The following EML6 variants were observed in gnomAD, a reference collection of about 807,000 sequenced individuals.
EML6 encodes echinoderm microtubule-associated protein-like 6.
In EML6, 154 loss-of-function variants were observed where a neutral mutation model predicts 240.1. The ratio of observed to expected loss-of-function variants is 0.64; its 90% CI spans 0.56 to 0.73. EML6 has a LOEUF of 0.73. Ranked by LOEUF, EML6 falls within the 30% of genes least tolerant of loss-of-function variation. The pLI, the probability that EML6 is intolerant of heterozygous loss-of-function variation, is 0.00. For missense variants in EML6, 2,964 were observed against 2,474.6 expected, an observed-to-expected ratio of 1.20 and a Z score of -4.20; for synonymous variants, 1,148 against 899.0, an observed-to-expected ratio of 1.28 and a Z score of -4.95.
chr2:54,750,290 T>G (rs1001940608), intron 2 of EML6, among the ~76,000 whole-genome samples: 1 of 152,220 alleles, frequency 6.6e-6, no homozygotes, highest in African/African-American at 2.4e-5. Context: ...AAGCTGGAAC[T>G]CTGCCATTCC....
At chr2:54,795,347 A>C (rs1018025630) in intron 2 of EML6, among the ~76,000 whole-genome samples, 6 of 152,150 alleles carry the variant, frequency 3.9e-5, no homozygotes, top group African/African-American at 1.4e-4. Flanking sequence ...GAAAACCATC[A>C]GATCTTGTGA....
chr2:54,967,207 A>T (rs1219380259), intron 39 of EML6, 104 bp downstream of exon 39: 5 of 738,148 alleles, frequency 6.8e-6, no homozygotes. Flanking sequence ...GAAGCTGAGA[A>T]ATGGAGCTGT....
chr2:54,797,184 A>AAAAAAG (rs1398831972), intron 2 of EML6, among the ~76,000 whole-genome samples: 1 of 148,976 alleles, frequency 6.7e-6, no homozygotes, highest in African/African-American at 2.5e-5. Context: ...AAAAAAAAAA[A>AAAAAAG]AAAAACTGTG....
chr2:54,949,595 C>T (rs1279967654), intron 29 of EML6, among the ~76,000 whole-genome samples: 3 of 152,282 alleles, frequency 2.0e-5, no homozygotes, highest in East Asian at 3.9e-4. Context: ...TCAGACTCCA[C>T]CCTCTCTCTC....
intron 11 of EML6, among the ~76,000 whole-genome samples, chr2:54,855,069 G>C (rs1422700687): frequency 6.6e-6 from 1 of 152,182 alleles, no homozygotes; most frequent in Non-Finnish European, 1.5e-5. Flanking sequence ...CTGGAAAATA[G>C]CAATGGAAAT....
intron 10 of EML6, among the ~76,000 whole-genome samples, chr2:54,853,341 T>G (rs1189210122): frequency 6.6e-6 from 1 of 152,192 alleles, no homozygotes; most frequent in Non-Finnish European, 1.5e-5. Flanking sequence ...TTTTGATACA[T>G]TCATGTGTTT....
chr2:54,781,371 C>T (rs1321325396), intron 2 of EML6, among the ~76,000 whole-genome samples: 1 of 152,180 alleles, frequency 6.6e-6, no homozygotes, highest in Admixed American at 6.5e-5. Flanking sequence ...TAAGAAGATG[C>T]AGCTGATGGC....
At chr2:54,821,681 G>C (rs1053515238) in intron 5 of EML6, among the ~76,000 whole-genome samples, 3 of 151,860 alleles carry the variant, frequency 2.0e-5, no homozygotes, top group African/African-American at 4.8e-5. Flanking sequence ...TGGATACAAA[G>C]AAATAAAAAA....
chr2:54,787,912 C>T (rs947055329), intron 2 of EML6, among the ~76,000 whole-genome samples: 35 of 152,148 alleles, frequency 2.3e-4, no homozygotes, highest in African/African-American at 8.2e-4. Flanking sequence ...CCCCGTCCCC[C>T]GAGGCCTAGT....
At chr2:54,819,458 C>T (rs112112610) in intron 4 of EML6, among the ~76,000 whole-genome samples, 2,112 of 152,192 alleles carry the variant, frequency 0.014, 24 homozygotes, top group Non-Finnish European at 0.02. Context: ...GAACTACGTG[C>T]AAACTGTCTG....
chr2:54,905,050 A>C (rs1673248409), intron 24 of EML6, among the ~76,000 whole-genome samples: 1 of 152,184 alleles, frequency 6.6e-6, no homozygotes. Context: ...AGTCCCAACA[A>C]GGGCAAAGGG....
At chr2:54,887,439 C>T (rs1008482322) in intron 17 of EML6, among the ~76,000 whole-genome samples, 1 of 152,162 alleles carries the variant, frequency 6.6e-6, no homozygotes, top group Non-Finnish European at 1.5e-5. Context: ...TTGTCTATAA[C>T]TTGCTGATTT....
chr2:54,877,457 CT>C (rs1671569276), intron 16 of EML6, among the ~76,000 whole-genome samples: 1 of 74,670 alleles, frequency 1.3e-5, no homozygotes. Context: ...TATTAAAAGT[CT>C]TAAAAAAAAG....
chr2:54,816,634 T>C (rs1480907162), intron 3 of EML6, among the ~76,000 whole-genome samples, 153 bp from the exon 4 acceptor site: 1 of 152,246 alleles, frequency 6.6e-6, no homozygotes, highest in Non-Finnish European at 1.5e-5. Flanking sequence ...ATCTATTGTG[T>C]TATTTTTAGT....
chr2:54,828,191 T>A (rs1359262847), intron 6 of EML6, among the ~76,000 whole-genome samples: 2 of 151,974 alleles, frequency 1.3e-5, no homozygotes, highest in African/African-American at 4.8e-5. Context: ...TATTGGTTGG[T>A]AAGATAGATT....
chr2:54,935,243 A>C (rs937695315), intron 28 of EML6, among the ~76,000 whole-genome samples: 1 of 152,186 alleles, frequency 6.6e-6, no homozygotes, highest in African/African-American at 2.4e-5. Context: ...TCCCATGCTT[A>C]TCTTTGGTGT....
At chr2:54,795,504 C>T (rs183564901) in intron 2 of EML6, among the ~76,000 whole-genome samples, 3 of 152,140 alleles carry the variant, frequency 2.0e-5, no homozygotes, top group South Asian at 2.1e-4. Context: ...ATCAAATACA[C>T]GTGTGGGGGA....
intron 7 of EML6, among the ~76,000 whole-genome samples, chr2:54,834,933 T>C (rs938984805): frequency 6.6e-5 from 10 of 152,222 alleles, no homozygotes; most frequent in Admixed American, 1.3e-4. Context: ...CCAGATCACA[T>C]AATTGCTTTC....
At chr2:54,809,393 T>C (rs1667708680) in intron 2 of EML6, among the ~76,000 whole-genome samples, 1 of 152,150 alleles carries the variant, frequency 6.6e-6, no homozygotes, top group Admixed American at 6.5e-5. Flanking sequence ...GAGGACACAA[T>C]AGTTGGCCAT....
Sources: allele counts gnomAD v4.1 joint callset (sites outside exome capture counted in the v4.1 genomes callset), GRCh38; gene constraint gnomAD v4.1.1; transcripts MANE v1.5; gene names NCBI Gene and HGNC (gene_info 2026-07-23, HGNC 2026-07-21).